Variants in EEFSEC observed in about 807,000 individuals in gnomAD.
EEFSEC encodes the protein selenocysteine-specific elongation factor.
Under a neutral mutation model 42.1 loss-of-function variants are expected in EEFSEC, and 43 were observed. The observed-to-expected ratio is 1.02, with a 90% confidence interval of 0.80 to 1.32. The LOEUF is 1.32. EEFSEC is among the 40% of genes most tolerant of loss of function. EEFSEC has a pLI of 0.00. For missense variants in EEFSEC, 745 were observed against 803.6 expected (o/e 0.93, Z 0.88); for synonymous variants, 354 against 339.1 (o/e 1.04, Z -0.48).
intron 6 of EEFSEC, among the ~76,000 whole-genome samples, chr3:128,371,664 G>A (rs1405905670): frequency 1.3e-5 from 2 of 152,198 alleles, no homozygotes; most frequent in African/African-American, 4.8e-5. Context: ...GGGGCAGGAT[G>A]CACCCCAGAA....
chr3:128,160,753 A>G (rs1220050857), intron 1 of EEFSEC, among the ~76,000 whole-genome samples: 1 of 152,140 alleles, frequency 6.6e-6, no homozygotes, highest in Non-Finnish European at 1.5e-5. Context: ...GAAGTTTAAT[A>G]TATCTTAAAT....
At chr3:128,376,065 T>C (rs745549308) in intron 6 of EEFSEC, among the ~76,000 whole-genome samples, 9 of 152,208 alleles carry the variant, frequency 5.9e-5, no homozygotes, top group African/African-American at 9.6e-5. Context: ...GGCTTCTCCA[T>C]AGATGGTCTT....
At chr3:128,169,469 C>T (rs1172078697) in intron 1 of EEFSEC, among the ~76,000 whole-genome samples, 2 of 152,158 alleles carry the variant, frequency 1.3e-5, no homozygotes, top group African/African-American at 2.4e-5. Context: ...AAATAGGACA[C>T]GGTGAGACAG....
intron 4 of EEFSEC, among the ~76,000 whole-genome samples, chr3:128,337,540 G>A (rs58205207): frequency 2.1e-4 from 32 of 152,304 alleles, no homozygotes; most frequent in African/African-American, 7.7e-4. Context: ...GCCCCGGCAC[G>A]TCTGGAATCT....
intron 4 of EEFSEC, among the ~76,000 whole-genome samples, chr3:128,281,226 G>T (rs1390000143): frequency 6.6e-6 from 1 of 152,218 alleles, no homozygotes; most frequent in Non-Finnish European, 1.5e-5. Flanking sequence ...GCATACTTCT[G>T]TGCCTGTCCT....
chr3:128,424,891 A>G, the EEFSEC span, among the ~76,000 whole-genome samples: 2 of 151,974 alleles, frequency 1.3e-5, no homozygotes, highest in African/African-American at 4.8e-5. Flanking sequence ...CCAGTTCTAA[A>G]GCTCGTTCAG....
chr3:128,242,154 A>G (rs984275115), intron 1 of EEFSEC, among the ~76,000 whole-genome samples: 1 of 151,914 alleles, frequency 6.6e-6, no homozygotes, highest in Non-Finnish European at 1.5e-5. Context: ...CCACCTCTAC[A>G]AAAAAATTTT....
At chr3:128,307,039 AG>A (rs2066835234) in intron 4 of EEFSEC, among the ~76,000 whole-genome samples, 1 of 152,242 alleles carries the variant, frequency 6.6e-6, no homozygotes, top group Non-Finnish European at 1.5e-5. Flanking sequence ...ACCAGACTGC[AG>A]GGGGCTCAAG....
downstream of EEFSEC, among the ~76,000 whole-genome samples, chr3:128,409,019 ATACT>A (rs1322992006): frequency 6.6e-6 from 1 of 152,154 alleles, no homozygotes; most frequent in African/African-American, 2.4e-5. Flanking sequence ...TGAGAACCAC[ATACT>A]TCCCAGAAAG....
At chr3:128,339,851 C>T (rs925500917) in intron 4 of EEFSEC, among the ~76,000 whole-genome samples, 1 of 152,118 alleles carries the variant, frequency 6.6e-6, no homozygotes, top group African/African-American at 2.4e-5. Flanking sequence ...GCGAAAGGCA[C>T]GTCTTACATG....
At position 128,365,688 on chromosome 3, in the gene EEFSEC, G is replaced by A. The variant is rs779322984; in HGVS notation, c.1600+7315G>A. Among the ~76,000 whole-genome samples the A allele has an allele frequency of 3.3e-5, 5 of 152,086 alleles. No individual in the cohort carries two copies. In the South Asian group the frequency reaches 1.0e-3, roughly 32 times the overall value. ...TCCCTACCACAGAGCACTGGGAAAC[G>A]ATGCCTGTAGGAGCCCCGGTGCTGC... is the stretch of plus-strand genomic sequence containing the variant. On this transcript the variant is annotated intron_variant, in intron 6 of 6. Coordinates refer to ENST00000254730, the MANE Select transcript of EEFSEC (RefSeq NM_021937.5).
chr3:128,235,211 C>T (rs995192194), intron 1 of EEFSEC, among the ~76,000 whole-genome samples: 2 of 148,602 alleles, frequency 1.3e-5, no homozygotes, highest in African/African-American at 2.5e-5. Context: ...ACCACAGGTG[C>T]ACACCACCAC....
In EEFSEC at chr3:128,181,811, C is replaced by A. The variant is rs140634755; in HGVS notation, c.316+27988C>A. Among the ~76,000 whole-genome samples, 739 of 152,172 alleles carry A rather than the reference C, an allele frequency of 4.9e-3. 13 individuals are homozygous for A. Among genetic ancestry groups the A allele is most frequent in the Non-Finnish European group, 3.2e-3 (217 of 67,992 alleles). ...TTTTTGTTTTTGTTTTTCTTTGTTT[C>A]TTTTTGTTTGTTTGTTTTTTGATAC... On this transcript the variant is annotated intron_variant, in intron 1 of 6. Coordinates refer to ENST00000254730, the MANE Select transcript of EEFSEC (RefSeq NM_021937.5).
intron 1 of EEFSEC, among the ~76,000 whole-genome samples, chr3:128,223,096 T>C (rs1014963033): frequency 6.6e-5 from 10 of 152,140 alleles, no homozygotes; most frequent in African/African-American, 2.4e-4. Flanking sequence ...ATTCAATCAG[T>C]CATACCTATG....
intron 6 of EEFSEC, among the ~76,000 whole-genome samples, chr3:128,407,210 G>A (rs1269819799): frequency 6.6e-6 from 1 of 152,240 alleles, no homozygotes; most frequent in African/African-American, 2.4e-5. Flanking sequence ...GCTGGAGGGA[G>A]TTGAACAAAA....
At chr3:128,412,824 G>A (rs889122162), downstream of EEFSEC, among the ~76,000 whole-genome samples, 8 of 152,224 alleles carry the variant, frequency 5.3e-5, no homozygotes, top group Non-Finnish European at 8.8e-5. Flanking sequence ...GGGCTCGCAA[G>A]GCTCTACAGG....
Position 128,211,848 on chromosome 3 carries a change from C to CTT in EEFSEC, c.317-34960_317-34959dup, listed in dbSNP as rs34885945. On this transcript the variant is annotated intron_variant, in intron 1 of 6. Transcript: ENST00000254730. ...CATATACTTCTTTTCTTTTTCTTTT[C>CTT]TTTTTTTTTTTTTTTTTTTTTTTTT... Among the ~76,000 whole-genome samples the CTT allele has an allele frequency of 2.7e-3, 139 of 51,668 alleles. 1 individual carries two copies. Among genetic ancestry groups the CTT allele is most frequent in the African/African-American group, 3.4e-3 (42 of 12,246 alleles). The allele number at this position is 51,668 out of a possible 152,430, so 33.9% of individuals were successfully genotyped here.
At chr3:128,336,596 G>A (rs1395307447) in intron 4 of EEFSEC, among the ~76,000 whole-genome samples, 3 of 152,134 alleles carry the variant, frequency 2.0e-5, no homozygotes, top group Non-Finnish European at 4.4e-5. Flanking sequence ...CCTGCCCAGG[G>A]CCTTAGGCCT....
At chr3:128,205,767 T>A (rs1353761755) in intron 1 of EEFSEC, among the ~76,000 whole-genome samples, 1 of 152,222 alleles carries the variant, frequency 6.6e-6, no homozygotes, top group Non-Finnish European at 1.5e-5. Context: ...GCTTGCTTTG[T>A]GTGACTGGGA....
Sources: allele counts gnomAD v4.1 joint callset (sites outside exome capture counted in the v4.1 genomes callset), GRCh38; gene constraint gnomAD v4.1.1; transcripts MANE v1.5; gene names NCBI Gene and HGNC (gene_info 2026-07-23, HGNC 2026-07-21).